HDAC9: variants seen among roughly 807,000 people sequenced by gnomAD.
HDAC9 encodes MEF-2 interacting transcription repressor (MITR) protein.
In HDAC9, 41 loss-of-function variants were observed where a neutral mutation model predicts 139.4. That is an observed-to-expected ratio of 0.29 (90% CI 0.23 to 0.38). The LOEUF (loss-of-function observed/expected upper bound fraction) is 0.38. HDAC9 is among the 10% of genes least tolerant of loss of function. The probability of loss-of-function intolerance (pLI) is 1.00; values close to 1 mark genes in which losing one functional copy is unlikely to be tolerated. For missense variants in HDAC9, 1,147 were observed against 1,297.0 expected (o/e 0.88, Z 1.78); for synonymous variants, 517 against 476.2 (o/e 1.09, Z -1.12).
intron 1 of HDAC9, among the ~76,000 whole-genome samples, chr7:18,446,899 G>T (rs1238778242): frequency 6.6e-6 from 1 of 151,970 alleles, no homozygotes. Context: ...CCTAAGGTTG[G>T]ATATTTAGTT....
intron 1 of HDAC9, among the ~76,000 whole-genome samples, chr7:18,415,948 G>A (rs958504718): frequency 6.6e-6 from 1 of 151,982 alleles, no homozygotes; most frequent in Non-Finnish European, 1.5e-5. Flanking sequence ...ACTTGGTCAT[G>A]ATGTATTATC....
At chr7:18,191,759 A>C (rs1474026150) in intron 2 of HDAC9, among the ~76,000 whole-genome samples, 2 of 152,238 alleles carry the variant, frequency 1.3e-5, no homozygotes, top group African/African-American at 4.8e-5. Flanking sequence ...TTGAAAACTT[A>C]TGAATTTGCA....
At chr7:18,969,678 GA>G (rs922656653) in intron 24 of HDAC9, among the ~76,000 whole-genome samples, 30 of 150,428 alleles carry the variant, frequency 2.0e-4, no homozygotes, top group East Asian at 5.8e-4. Context: ...ACATTTTAGA[GA>G]AAAAAAAATA....
At chr7:18,564,703 G>C (rs1219339636) in intron 2 of HDAC9, among the ~76,000 whole-genome samples, 1 of 151,968 alleles carries the variant, frequency 6.6e-6, no homozygotes, top group African/African-American at 2.4e-5. Flanking sequence ...TTCGTTAAGA[G>C]ACTACTTTTG....
intron 1 of HDAC9, among the ~76,000 whole-genome samples, chr7:18,360,720 A>G (rs1783709555): frequency 6.6e-6 from 1 of 152,218 alleles, no homozygotes; most frequent in East Asian, 1.9e-4. Flanking sequence ...ATTATTATGT[A>G]GTACATTGCT....
At chr7:18,762,071 T>G (rs76617418) in intron 14 of HDAC9, 86 bp from the exon 15 acceptor site, 2 of 1,394,698 alleles carry the variant, frequency 1.4e-6, no homozygotes, top group East Asian at 4.6e-5. Flanking sequence ...CAGCCCATTA[T>G]TAATCATCTT....
In HDAC9 at chr7:18,727,600, C is replaced by T. The variant is rs1270284913; in HGVS notation, c.1752C>T (p.His584=). 6.3e-7 allele frequency: 1 copy of T among 1,595,442 alleles called. No individual in the cohort carries two copies. The highest frequency in any genetic ancestry group is 1.8e-5 in the Admixed American group (1 of 55,618). Residue 584 remains histidine, a synonymous_variant, in exon 13 of 26, where the codon CAC becomes CAT. Transcript: ENST00000686413. ...FMQQPFLEPT[H]TRALSVRQAP... is the part of the protein sequence containing the mutation. ...AACAGCCTTTCCTGGAACCCACGCA[C>T]ACACGTGCGCTCTCTGTGCGCCAAG...
chr7:18,298,902 C>T (rs1232894027), intron 1 of HDAC9, among the ~76,000 whole-genome samples: 4 of 151,970 alleles, frequency 2.6e-5, no homozygotes, highest in African/African-American at 4.8e-5. Flanking sequence ...GTAACAACAC[C>T]GTGAACGAAA....
intron 17 of HDAC9, among the ~76,000 whole-genome samples, chr7:18,820,019 A>G (rs1449753356): frequency 6.6e-6 from 1 of 152,200 alleles, no homozygotes; most frequent in Non-Finnish European, 1.5e-5. Flanking sequence ...GTTTTACTAC[A>G]ACAATCTAAG....
intron 1 of HDAC9, among the ~76,000 whole-genome samples, chr7:18,483,669 C>T (rs1014039759): frequency 6.6e-6 from 1 of 152,170 alleles, no homozygotes; most frequent in African/African-American, 2.4e-5. Flanking sequence ...GAATTTTTCT[C>T]ATCTGGAAAT....
intron 2 of HDAC9, among the ~76,000 whole-genome samples, chr7:18,172,219 A>G (rs1279662464): frequency 6.6e-6 from 1 of 152,112 alleles, no homozygotes; most frequent in Non-Finnish European, 1.5e-5. Context: ...TAGATTTTCT[A>G]GTTTATTTGC....
intron 2 of HDAC9, among the ~76,000 whole-genome samples, chr7:18,243,485 G>A (rs1357787442): frequency 1.3e-5 from 2 of 152,230 alleles, no homozygotes; most frequent in Non-Finnish European, 2.9e-5. Context: ...ATGACTTGTA[G>A]CCTCTGGACA....
chr7:18,396,158 C>A (rs1482109329), intron 1 of HDAC9, among the ~76,000 whole-genome samples: 1 of 137,660 alleles, frequency 7.3e-6, no homozygotes, highest in African/African-American at 2.7e-5. Flanking sequence ...TTCCTTGTTT[C>A]CTTCTTTCCT....
chr7:18,186,725 A>G (rs574535386), intron 2 of HDAC9, among the ~76,000 whole-genome samples: 1 of 152,348 alleles, frequency 6.6e-6, no homozygotes, highest in African/African-American at 2.4e-5. Flanking sequence ...TAAAATAGAA[A>G]TGATGATGTG....
At chr7:18,377,747 C>A (rs1245961772) in intron 1 of HDAC9, among the ~76,000 whole-genome samples, 1 of 152,056 alleles carries the variant, frequency 6.6e-6, no homozygotes, top group Admixed American at 6.5e-5. Context: ...CCTGTGATTT[C>A]TTCTCCAAAG....
chr7:18,806,764 A>G (rs554130136), intron 17 of HDAC9, among the ~76,000 whole-genome samples: 1 of 152,278 alleles, frequency 6.6e-6, no homozygotes, highest in Non-Finnish European at 1.5e-5. Flanking sequence ...TCATCCTGTT[A>G]CTGTGTTATA....
chr7:18,681,819 C>T (rs1020143454), intron 12 of HDAC9, among the ~76,000 whole-genome samples: 1 of 152,020 alleles, frequency 6.6e-6, no homozygotes, highest in Non-Finnish European at 1.5e-5. Flanking sequence ...TATCGCCCCA[C>T]CCTCTGACAT....
intron 1 of HDAC9, among the ~76,000 whole-genome samples, chr7:18,464,244 A>G (rs1794084310): frequency 1.3e-5 from 2 of 151,946 alleles, no homozygotes; most frequent in Admixed American, 6.6e-5. Context: ...TTTAAGCAGC[A>G]TGTTTTAGTC....
intron 1 of HDAC9, among the ~76,000 whole-genome samples, chr7:18,120,506 T>C (rs1331064589): frequency 6.6e-6 from 1 of 152,204 alleles, no homozygotes; most frequent in Non-Finnish European, 1.5e-5. Flanking sequence ...TTTTCTATTT[T>C]GCTGCTTTGG....
Sources: gnomAD v4.1 joint callset for allele counts (sites outside exome capture counted in the v4.1 genomes callset) on GRCh38, gnomAD v4.1.1 for gene constraint, MANE v1.5 for transcripts, NCBI Gene and HGNC (gene_info 2026-07-23, HGNC 2026-07-21) for gene names.